Variants in GRID2 observed in about 807,000 individuals in gnomAD.
GRID2 encodes glutamate ionotropic receptor delta type subunit 2, also known as glutamate receptor ionotropic, delta-2.
GRID2 carries 33 observed loss-of-function variants against 114.8 expected under a neutral mutation model. That is an observed-to-expected ratio of 0.29 (90% CI 0.22 to 0.38). GRID2 has a LOEUF of 0.38. Among genes scored for constraint, GRID2 ranks in the 10% least tolerant of loss-of-function variants. The pLI is 1.00. For missense variants in GRID2, 1,184 were observed against 1,257.7 expected, an observed-to-expected ratio of 0.94 and a Z score of 0.89; for synonymous variants, 505 against 449.9, an observed-to-expected ratio of 1.12 and a Z score of -1.55.
chr4:92,440,729 C>T (rs1233267621), intron 1 of GRID2, among the ~76,000 whole-genome samples: 5 of 151,828 alleles, frequency 3.3e-5, no homozygotes, highest in South Asian at 2.1e-4. Flanking sequence ...ATAAATCAAG[C>T]GTGATCAGGG....
Position 93,150,994 on chromosome 4 carries a change from T to C in GRID2, c.735+40041T>C, listed in dbSNP as rs113590955. ...ATACAAAAAAATTAGCCAGGCATGG[T>C]GGTGCACACCTGTAATCCTAGCTAC... On this transcript the variant is annotated intron_variant, in intron 4 of 15. Coordinates refer to ENST00000282020, the MANE Select transcript of GRID2 (RefSeq NM_001510.4). 7.5e-3 allele frequency among the ~76,000 whole-genome samples: 1,138 copies of C among 151,358 alleles called. 20 individuals are homozygous for C. The highest frequency in any genetic ancestry group is 0.026 in the African/African-American group (1,084 of 41,258).
At chr4:93,666,171 T>A (rs1723928624) in intron 14 of GRID2, among the ~76,000 whole-genome samples, 1 of 152,120 alleles carries the variant, frequency 6.6e-6, no homozygotes, top group Admixed American at 6.6e-5. Context: ...CTGCTATGTC[T>A]TCATTGTCAG....
At chr4:93,216,015 A>G (rs147754402) in intron 5 of GRID2, among the ~76,000 whole-genome samples, 5 of 152,222 alleles carry the variant, frequency 3.3e-5, no homozygotes, top group African/African-American at 1.2e-4. Flanking sequence ...AATCACTTTT[A>G]TCCTAATTCC....
Position 93,773,497 on chromosome 4 carries a change from T to C in GRID2, c.*999T>C, listed in dbSNP as rs1734249677. The C allele has an allele frequency of 2.0e-5, 3 of 152,172 alleles. No individual in the cohort carries two copies. Among genetic ancestry groups the C allele is most frequent in the Non-Finnish European group, 2.9e-5 (2 of 68,020 alleles). The allele number at this position is 152,172 out of a possible 1,614,324, so 9.4% of individuals were successfully genotyped here. A position where few individuals can be genotyped will look rare whatever the true frequency, so the allele number is the denominator to read the frequency against. On this transcript the variant is annotated 3_prime_UTR_variant, in exon 16 of 16. Transcript: ENST00000282020. ...CCTAGATGTAACTCATTTGAATAGG[T>C]TTTGCATTTGTTATTCAGCAGTGTA...
At chr4:92,712,023 A>G (rs1254470370) in intron 2 of GRID2, among the ~76,000 whole-genome samples, 3 of 152,248 alleles carry the variant, frequency 2.0e-5, no homozygotes, top group Non-Finnish European at 2.9e-5. Context: ...CTTATAAGGT[A>G]ACATAGTTAT....
chr4:93,354,431 G>C (rs1360462792), intron 8 of GRID2, among the ~76,000 whole-genome samples: 2 of 151,910 alleles, frequency 1.3e-5, no homozygotes, highest in Admixed American at 6.6e-5. Context: ...CTAAATGTAA[G>C]ATGAAACAGG....
At chr4:92,463,725 G>T (rs1721607300) in intron 1 of GRID2, among the ~76,000 whole-genome samples, 1 of 151,904 alleles carries the variant, frequency 6.6e-6, no homozygotes. Flanking sequence ...AGAGAATCTT[G>T]TATTAAAAGG....
chr4:93,691,222 G>T (rs1455530651), intron 14 of GRID2, among the ~76,000 whole-genome samples: 1 of 151,696 alleles, frequency 6.6e-6, no homozygotes, highest in Non-Finnish European at 1.5e-5. Context: ...ATGATCTTTG[G>T]ATGTTTCAAA....
chr4:93,000,931 T>C (rs1578718778), intron 2 of GRID2, among the ~76,000 whole-genome samples: 1 of 151,554 alleles, frequency 6.6e-6, no homozygotes. Flanking sequence ...TGTAACTAAA[T>C]ATACCCTGTG....
intron 1 of GRID2, among the ~76,000 whole-genome samples, chr4:92,542,787 T>C (rs1726042853): frequency 6.6e-6 from 1 of 151,964 alleles, no homozygotes; most frequent in Non-Finnish European, 1.5e-5. Flanking sequence ...AATAAAAATT[T>C]AAAAAGAAAA....
intron 13 of GRID2, among the ~76,000 whole-genome samples, chr4:93,552,596 A>C (rs1041789706): frequency 2.6e-5 from 4 of 152,022 alleles, no homozygotes; most frequent in Non-Finnish European, 5.9e-5. Flanking sequence ...ATGATATCTC[A>C]TTGTGGTTTT....
chr4:93,549,128 G>A (rs1031031683), intron 13 of GRID2, among the ~76,000 whole-genome samples: 7 of 151,886 alleles, frequency 4.6e-5, no homozygotes, highest in East Asian at 1.9e-4. Context: ...TTTCTCTCTC[G>A]ATCAAATACA....
intron 8 of GRID2, among the ~76,000 whole-genome samples, chr4:93,355,614 G>A (rs1345378335): frequency 2.0e-5 from 3 of 151,994 alleles, no homozygotes; most frequent in East Asian, 1.9e-4. Context: ...TGTGATTCAC[G>A]AACTGGAAAA....
intron 8 of GRID2, among the ~76,000 whole-genome samples, chr4:93,268,450 A>G (rs1751096393): frequency 6.6e-6 from 1 of 152,176 alleles, no homozygotes; most frequent in Non-Finnish European, 1.5e-5. Flanking sequence ...GCTTCAACAT[A>G]TGAATTTTTG....
At chr4:92,773,697 AATT>A (rs1738644729) in intron 2 of GRID2, among the ~76,000 whole-genome samples, 1 of 152,074 alleles carries the variant, frequency 6.6e-6, no homozygotes, top group African/African-American at 2.4e-5. Context: ...ATACCTTAAT[AATT>A]TAATTTTTGT....
At chr4:92,434,037 C>G (rs780671369) in intron 1 of GRID2, among the ~76,000 whole-genome samples, 1 of 152,180 alleles carries the variant, frequency 6.6e-6, no homozygotes, top group African/African-American at 2.4e-5. Flanking sequence ...AATTGTTACA[C>G]AATTCACGAT....
At chr4:92,675,029 T>C (rs1733276484) in intron 2 of GRID2, among the ~76,000 whole-genome samples, 1 of 152,196 alleles carries the variant, frequency 6.6e-6, no homozygotes, top group Admixed American at 6.6e-5. Flanking sequence ...GTTGGGGCCA[T>C]GTTGGTGAGC....
chr4:92,403,203 C>T (rs1730870047), intron 1 of GRID2, among the ~76,000 whole-genome samples: 1 of 152,022 alleles, frequency 6.6e-6, no homozygotes, highest in African/African-American at 2.4e-5. Flanking sequence ...TCCAGACCAC[C>T]CAAACTTTCT....
chr4:92,594,491 A>C (rs1345526485), intron 2 of GRID2, among the ~76,000 whole-genome samples: 1 of 151,906 alleles, frequency 6.6e-6, no homozygotes, highest in East Asian at 1.9e-4. Context: ...ACCTTATAGA[A>C]ACGATCATTA....
Sources: allele counts gnomAD v4.1 joint callset (sites outside exome capture counted in the v4.1 genomes callset), GRCh38; gene constraint gnomAD v4.1.1; transcripts MANE v1.5; gene names NCBI Gene and HGNC (gene_info 2026-07-23, HGNC 2026-07-21).